The following COL5A2 variants were observed in gnomAD, a reference collection of about 807,000 sequenced individuals.
COL5A2 encodes the protein collagen type V alpha 2 chain, also known as collagen alpha-2(V) chain.
COL5A2 carries 23 observed loss-of-function variants against 208.2 expected under a neutral mutation model. The ratio of observed to expected loss-of-function variants is 0.11; its 90% CI spans 0.08 to 0.16. The LOEUF is 0.16. Ranked by LOEUF, COL5A2 falls within the 10% of genes least tolerant of loss-of-function variation. The pLI, the probability that COL5A2 is intolerant of heterozygous loss-of-function variation, is 1.00. For missense variants in COL5A2, 1,590 were observed against 1,956.4 expected (o/e 0.81, Z 3.53); for synonymous variants, 625 against 628.5 (o/e 0.99, Z 0.08).
chr2:189,072,372 C>T (rs1355360139), intron 17 of COL5A2, among the ~76,000 whole-genome samples: 2 of 152,096 alleles, frequency 1.3e-5, no homozygotes, highest in Admixed American at 6.5e-5. Flanking sequence ...CAAACAATTG[C>T]CTCTTGAGAG....
At chr2:189,398,137 T>G in the COL5A2 span, among the ~76,000 whole-genome samples, 16 of 152,180 alleles carry the variant, frequency 1.1e-4, no homozygotes, top group Admixed American at 5.2e-4. Flanking sequence ...AATAATCCAA[T>G]TGTGCTCACT....
intron 7 of COL5A2, among the ~76,000 whole-genome samples, chr2:189,091,097 T>C (rs1686774713): frequency 6.6e-6 from 1 of 152,214 alleles, no homozygotes; most frequent in Non-Finnish European, 1.5e-5. Flanking sequence ...GGTGAAAATA[T>C]AAGCCTCAAG....
chr2:189,329,644 C>T, the COL5A2 span, among the ~76,000 whole-genome samples: 6 of 151,828 alleles, frequency 4.0e-5, no homozygotes, highest in Non-Finnish European at 7.4e-5. Flanking sequence ...AAAAATAAAG[C>T]GAATCTCAAA....
At chr2:189,379,461 C>G in the COL5A2 span, among the ~76,000 whole-genome samples, 4 of 152,042 alleles carry the variant, frequency 2.6e-5, no homozygotes, top group Non-Finnish European at 5.9e-5. Flanking sequence ...GATTGCTAAA[C>G]TGACAGGTCA....
chr2:189,405,763 A>G, the COL5A2 span, among the ~76,000 whole-genome samples: 1 of 152,344 alleles, frequency 6.6e-6, no homozygotes, highest in East Asian at 1.9e-4. Context: ...ATGTGAGACC[A>G]GAATGAATAA....
At chr2:189,374,709 C>A in the COL5A2 span, among the ~76,000 whole-genome samples, 1 of 152,154 alleles carries the variant, frequency 6.6e-6, no homozygotes, top group African/African-American at 2.4e-5. Flanking sequence ...TATACTGTTG[C>A]ATCTTACTGT....
At chr2:189,083,295 G>C (rs1256225612) in intron 12 of COL5A2, among the ~76,000 whole-genome samples, 1 of 152,160 alleles carries the variant, frequency 6.6e-6, no homozygotes, top group Non-Finnish European at 1.5e-5. Flanking sequence ...AGAGACAGGT[G>C]GGTTCAGAGA....
chr2:189,157,607 G>A (rs760461241), intron 1 of COL5A2, among the ~76,000 whole-genome samples: 2 of 151,942 alleles, frequency 1.3e-5, no homozygotes, highest in Non-Finnish European at 2.9e-5. Context: ...ACTTCAAAGT[G>A]TTTTTCCCAC....
rs144890303 is a variant in COL5A2, at chr2:189,043,200, T to G, written c.3422A>C (p.Gln1141Pro). Residue 1141 changes from glutamine to proline, a missense_variant, in exon 48 of 54, where the codon CAG becomes CCG. Transcript: ENST00000374866. ...ACCAGTAAAGCCTCTGTGGCCCTTC[T>G]GACCTCTGTCACCTCGGTCTCCATG... ...GDHGDRGDRG[Q>P]KGHRGFTGLQ... 75 of 1,613,912 alleles carry G rather than the reference T, an allele frequency of 4.6e-5. No homozygotes were observed. The highest frequency in any genetic ancestry group is 6.0e-5 in the Non-Finnish European group (71 of 1,179,936).
intron 5 of COL5A2, 107 bp downstream of exon 5, chr2:189,098,620 G>C: frequency 1.1e-6 from 1 of 908,960 alleles, no homozygotes; most frequent in Non-Finnish European, 1.8e-6. Flanking sequence ...AAGAGACCAA[G>C]TATCATTGTT....
intron 49 of COL5A2, 68 bp downstream of exon 49, chr2:189,042,652 A>G: frequency 2.1e-6 from 3 of 1,446,906 alleles, no homozygotes; most frequent in Non-Finnish European, 2.9e-6. Flanking sequence ...ACGATACTCA[A>G]GCATTAGCAG....
At chr2:189,160,811 C>CT (rs1688346559) in intron 1 of COL5A2, among the ~76,000 whole-genome samples, 1 of 144,554 alleles carries the variant, frequency 6.9e-6, no homozygotes, top group Non-Finnish European at 1.5e-5. Flanking sequence ...TTTTTCTTTT[C>CT]TTTTCTTTTC....
chr2:189,420,121 AT>A, the COL5A2 span, among the ~76,000 whole-genome samples: 1 of 151,796 alleles, frequency 6.6e-6, no homozygotes, highest in East Asian at 1.9e-4. Context: ...GGGAGGAAAA[AT>A]TACCAGTACC....
chr2:189,129,712 T>C (rs1687674681), intron 1 of COL5A2, among the ~76,000 whole-genome samples: 1 of 152,006 alleles, frequency 6.6e-6, no homozygotes, highest in African/African-American at 2.4e-5. Context: ...TTAAACTTCA[T>C]CCATGTTAAG....
chr2:189,315,552 T>C, the COL5A2 span, among the ~76,000 whole-genome samples: 1 of 152,154 alleles, frequency 6.6e-6, no homozygotes, highest in Admixed American at 6.5e-5. Flanking sequence ...ACCACTCCTA[T>C]TCCACATAGT....
intron 1 of COL5A2, among the ~76,000 whole-genome samples, chr2:189,187,158 T>C (rs756419441): frequency 6.6e-6 from 1 of 152,180 alleles, no homozygotes; most frequent in Non-Finnish European, 1.5e-5. Flanking sequence ...TCACACATAC[T>C]CTTTGAGACT....
chr2:189,062,836 T>TCA lies in COL5A2; in HGVS notation c.1977+27_1977+28dup, dbSNP rs752418883. ...ATGCAATGTGTGTATATATATATTC[T>TCA]CACACACACACACACAAAAATCACA... is the stretch of plus-strand genomic sequence containing the variant. On this transcript the variant is annotated intron_variant, in intron 29 of 53. Transcript: ENST00000374866. 2.4e-4 allele frequency: 386 copies of TCA among 1,604,028 alleles called. 1 individual carries two copies. The highest frequency in any genetic ancestry group is 1.0e-3 in the East Asian group (47 of 44,788).
the COL5A2 span, among the ~76,000 whole-genome samples, chr2:189,256,785 G>A: frequency 5.3e-5 from 8 of 152,052 alleles, no homozygotes; most frequent in Admixed American, 1.3e-4. Flanking sequence ...ACACCACCAT[G>A]CCCAGCTAAT....
intron 18 of COL5A2, 69 bp from the exon 19 acceptor site, chr2:189,068,953 C>A: frequency 9.0e-7 from 1 of 1,116,988 alleles, no homozygotes; most frequent in Non-Finnish European, 1.4e-6. Flanking sequence ...AAGTTGACCG[C>A]TTATTTGGAA....
Sources: gnomAD v4.1 joint callset for allele counts (sites outside exome capture counted in the v4.1 genomes callset) on GRCh38, gnomAD v4.1.1 for gene constraint, MANE v1.5 for transcripts, NCBI Gene and HGNC (gene_info 2026-07-23, HGNC 2026-07-21) for gene names.